Variants in LIPG observed in about 807,000 individuals in gnomAD.
LIPG encodes endothelial lipase.
LIPG carries 34 observed loss-of-function variants against 51.8 expected under a neutral mutation model. The observed-to-expected ratio is 0.66, with a 90% confidence interval of 0.50 to 0.87. The LOEUF (loss-of-function observed/expected upper bound fraction) is 0.87, where lower values mean the gene tolerates loss of function less well. Ranked by LOEUF, LIPG falls within the 40% of genes least tolerant of loss-of-function variation. The pLI, the probability that LIPG is intolerant of heterozygous loss-of-function variation, is 0.00. For synonymous variants in LIPG, 246 were observed against 246.1 expected, an observed-to-expected ratio of 1.00 and a Z score of 0.00; for missense variants, 580 against 652.7, an observed-to-expected ratio of 0.89 and a Z score of 1.21.
chr18:49,561,547 T>A (rs1907653504), upstream of LIPG: 1 of 607,028 alleles, frequency 1.6e-6, no homozygotes, highest in East Asian at 3.5e-5. Context: ...CTGCACCTGT[T>A]GCGGCCCTCG....
chr18:49,577,962 G>A (rs1457897049), intron 5 of LIPG, among the ~76,000 whole-genome samples: 1 of 132,084 alleles, frequency 7.6e-6, no homozygotes, highest in Non-Finnish European at 1.6e-5. Context: ...GCGGCTGGCC[G>A]GGCAGGGGGC....
At chr18:49,567,678 C>T in intron 3 of LIPG, 57 bp downstream of exon 3, 1 of 1,565,590 alleles carries the variant, frequency 6.4e-7, no homozygotes, top group Non-Finnish European at 8.8e-7. Flanking sequence ...ACCCAATCTT[C>T]TTAAGAAATG....
At position 49,590,826 on chromosome 18, in the gene LIPG, A is replaced by G. The variant is rs1375013536; in HGVS notation, c.*304A>G. The G allele has an allele frequency of 2.0e-6, 1 of 502,320 alleles. No homozygotes were observed. The highest frequency in any genetic ancestry group is 1.9e-5 in the African/African-American group (1 of 51,468). 31.1% of individuals were successfully genotyped at this position (502,320 alleles called of 1,614,324 possible). The stretch of plus-strand genomic sequence containing the variant: ...GCCTGGGGCCTCTCGTGCACACTGG[A>G]TTGGTTTCTCAGTTGCTGGGCGAGC... On this transcript the variant is annotated 3_prime_UTR_variant, in exon 10 of 10. Transcript: ENST00000261292.
At chr18:49,576,373 AT>A (rs1332842841) in intron 5 of LIPG, among the ~76,000 whole-genome samples, 3 of 123,642 alleles carry the variant, frequency 2.4e-5, no homozygotes, top group South Asian at 2.5e-4. Flanking sequence ...TTTTATTTTA[AT>A]TTTTTTCAAC....
Position 49,597,201 on chromosome 18 carries a change from A to G in LIPG, c.*6679A>G, listed in dbSNP as rs569568947. 1.3e-5 allele frequency: 2 copies of G among 152,304 alleles called. No homozygotes were observed. Among genetic ancestry groups the G allele is most frequent in the South Asian group, 4.2e-4 (2 of 4,818 alleles). 9.4% of individuals were successfully genotyped at this position (152,304 alleles called of 1,614,324 possible). On this transcript the variant is annotated 3_prime_UTR_variant, in exon 10 of 10. Transcript: ENST00000261292. ...GGAGCAGGGCAGCCACCTTACACAT[A>G]GGCTAGATCTGCTTGGGAATCTTTC...
At chr18:49,578,302 C>A (rs1484777630) in intron 5 of LIPG, among the ~76,000 whole-genome samples, 1 of 143,824 alleles carries the variant, frequency 7.0e-6, no homozygotes, top group Non-Finnish European at 1.5e-5. Flanking sequence ...CCTCACTTCT[C>A]AGACGGGGCA....
In LIPG at chr18:49,586,842, C is replaced by T. The variant is rs778274871; in HGVS notation, c.1473C>T (p.Asn491=). ...GTCGGGATGGCTGGAGGATGAAAAA[C>T]GAAACCAGGTAACCAGGACTTTCTC... ...RKCRDGWRMK[N]ETSPTVELP is the part of the protein sequence containing the mutation. The change falls in exon 9 of 10, where the codon AAC becomes AAT. Residue 491 remains asparagine (N), a synonymous_variant. Transcript: ENST00000261292. 1.9e-6 allele frequency: 3 copies of T among 1,613,114 alleles called. No homozygotes were observed. The highest frequency in any genetic ancestry group is 1.1e-5 in the South Asian group (1 of 91,068).
At chr18:49,577,858 C>T (rs1274193951) in intron 5 of LIPG, among the ~76,000 whole-genome samples, 3 of 72,674 alleles carry the variant, frequency 4.1e-5, no homozygotes, top group African/African-American at 6.6e-5. Context: ...ACCCCCCCAT[C>T]TCCCTCCCAG....
At chr18:49,564,232 C>A (rs2084579750) in intron 1 of LIPG, among the ~76,000 whole-genome samples, 2 of 152,192 alleles carry the variant, frequency 1.3e-5, no homozygotes, top group African/African-American at 4.8e-5. Context: ...CCAAGATGGT[C>A]ATTTGGCATC....
At chr18:49,569,397 C>G in intron 3 of LIPG, 40 bp from the exon 4 acceptor site, 1 of 1,549,494 alleles carries the variant, frequency 6.5e-7, no homozygotes, top group Non-Finnish European at 8.9e-7. Context: ...GGGCTCTGGA[C>G]CCTGCTCTTC....
Position 49,593,306 on chromosome 18 carries a change from A to G in LIPG, c.*2784A>G, listed in dbSNP as rs374644836. On this transcript the variant is annotated 3_prime_UTR_variant, in exon 10 of 10. Transcript: ENST00000261292. ...GTCTGACAAAAAGTTACTCTAATAT[A>G]AGGCATATTCTTTATTTGACACTCA... 1.3e-5 allele frequency: 2 copies of G among 152,184 alleles called. No individual in the cohort carries two copies. Among genetic ancestry groups the G allele is most frequent in the East Asian group, 1.9e-4 (1 of 5,202 alleles). 9.4% of individuals were successfully genotyped at this position (152,184 alleles called of 1,614,324 possible). A position where few individuals can be genotyped will look rare whatever the true frequency, so the allele number is the denominator to read the frequency against.
intron 8 of LIPG, among the ~76,000 whole-genome samples, chr18:49,584,414 G>A (rs1391227420): frequency 1.3e-5 from 2 of 152,212 alleles, no homozygotes; most frequent in African/African-American, 4.8e-5. Context: ...CTAACACCGT[G>A]CCTGGACTCC....
At chr18:49,563,137 G>A (rs560522800) in intron 1 of LIPG, among the ~76,000 whole-genome samples, 5 of 152,328 alleles carry the variant, frequency 3.3e-5, no homozygotes, top group Admixed American at 6.5e-5. Context: ...AACTAAGTCA[G>A]CTGATAAGCA....
intron 9 of LIPG, among the ~76,000 whole-genome samples, chr18:49,589,179 G>A (rs2084915565): frequency 6.6e-6 from 1 of 152,152 alleles, no homozygotes; most frequent in African/African-American, 2.4e-5. Flanking sequence ...GGGGTCCCCT[G>A]TGATTAACCA....
chr18:49,587,789 CTTT>C (rs11443648), intron 9 of LIPG, among the ~76,000 whole-genome samples: 1 of 147,258 alleles, frequency 6.8e-6, no homozygotes, highest in Non-Finnish European at 1.5e-5. Context: ...TTTGAAGTAT[CTTT>C]TTTTTTTTCC....
At position 49,567,451 on chromosome 18, in the gene LIPG, A is replaced by G; in HGVS notation, c.289A>G (p.Ile97Val). The change falls in exon 3 of 10, where the codon ATC becomes GTC. Residue 97 changes from isoleucine (I) to valine (V), a missense_variant. Transcript: ENST00000261292. ...CCACTTTTCTCTGCAGATGAGCGGTATCTTTGAAAACTGGCTGCACAAACT... is the reference window on the plus strand; with the variant it reads ...CCACTTTTCTCTGCAGATGAGCGGTGTCTTTGAAAACTGGCTGCACAAACT... The part of the protein sequence containing the change: ...FIIHGWTMSG[I>V]FENWLHKLVS... 2 of 1,614,162 alleles carry G rather than the reference A, an allele frequency of 1.2e-6. No homozygotes were observed. Among genetic ancestry groups the G allele is most frequent in the East Asian group, 4.5e-5 (2 of 44,886 alleles).
chr18:49,582,081 C>T lies in LIPG; in HGVS notation c.1037-281C>T, dbSNP rs117389878. On this transcript the variant is annotated intron_variant, in intron 6 of 9. Transcript: ENST00000261292. ...TTTTACATATGAGGAAGTTGAGGCT[C>T]AGAGAGGTTAATACCTTGGTCCTTA... Among the ~76,000 whole-genome samples the T allele has an allele frequency of 3.9e-5, 6 of 152,242 alleles. No individual in the cohort carries two copies. In the East Asian group the frequency reaches 9.6e-4, roughly 24 times the overall value.
Position 49,597,972 on chromosome 18 carries a change from G to A in LIPG, c.*7450G>A, listed in dbSNP as rs1229920075. ...GAAGTCAAAGCCTCAACTATTTATT[G>A]TGAGGGAGATAATTCATTTTCATTT... On this transcript the variant is annotated 3_prime_UTR_variant, in exon 10 of 10. Coordinates refer to ENST00000261292, the MANE Select transcript of LIPG (RefSeq NM_006033.4). The A allele has an allele frequency of 6.6e-6, 1 of 152,208 alleles. No homozygotes were observed. Among genetic ancestry groups the A allele is most frequent in the South Asian group, 2.1e-4 (1 of 4,836 alleles). The allele number at this position is 152,208 out of a possible 1,614,324, so 9.4% of individuals were successfully genotyped here.
intron 8 of LIPG, among the ~76,000 whole-genome samples, chr18:49,585,646 A>C (rs2084872726): frequency 2.0e-5 from 3 of 152,216 alleles, no homozygotes; most frequent in South Asian, 4.1e-4. Context: ...TTCCTTGTGC[A>C]CATGTGTGTA....
Sources: gnomAD v4.1 joint callset for allele counts (sites outside exome capture counted in the v4.1 genomes callset) on GRCh38, gnomAD v4.1.1 for gene constraint, MANE v1.5 for transcripts, NCBI Gene and HGNC (gene_info 2026-07-23, HGNC 2026-07-21) for gene names.